The following SRSF4 variants were observed in gnomAD, a reference collection of about 807,000 sequenced individuals.
The protein encoded by SRSF4 is serine and arginine rich splicing factor 4.
Under a neutral mutation model 48.8 loss-of-function variants are expected in SRSF4, and 12 were observed. The observed-to-expected ratio is 0.25, with a 90% CI of 0.16 to 0.40. The LOEUF (loss-of-function observed/expected upper bound fraction) is 0.40, where lower values mean the gene tolerates loss of function less well. Among genes scored for constraint, SRSF4 ranks in the 10% least tolerant of loss-of-function variants. The pLI, the probability that SRSF4 is intolerant of heterozygous loss-of-function variation, is 1.00. For synonymous variants in SRSF4, 248 were observed against 232.5 expected, an observed-to-expected ratio of 1.07 and a Z score of -0.61; for missense variants, 466 against 667.1, an observed-to-expected ratio of 0.70 and a Z score of 3.32.
intron 4 of SRSF4, among the ~76,000 whole-genome samples, chr1:29,152,695 G>C (rs1044903575): frequency 6.6e-6 from 1 of 152,052 alleles, no homozygotes; most frequent in Non-Finnish European, 1.5e-5. Context: ...GAGGTGGGTG[G>C]GTCACCTGAG....
intron 1 of SRSF4, among the ~76,000 whole-genome samples, chr1:29,162,977 C>T (rs1009905998): frequency 3.9e-5 from 6 of 152,146 alleles, no homozygotes; most frequent in Non-Finnish European, 8.8e-5. Flanking sequence ...TCACCCTGTT[C>T]CAAGGCTCAT....
chr1:29,160,307 A>T, intron 2 of SRSF4, 68 bp downstream of exon 2: 1 of 1,493,034 alleles, frequency 6.7e-7, no homozygotes, highest in Non-Finnish European at 8.9e-7. Flanking sequence ...ATATCAATTA[A>T]TTACTTTAAA....
intron 1 of SRSF4, among the ~76,000 whole-genome samples, chr1:29,161,000 C>T (rs1007021010): frequency 1.2e-4 from 19 of 152,202 alleles, no homozygotes; most frequent in South Asian, 2.1e-4. Context: ...GTTCCTGTTC[C>T]TCTACGTAAA....
intron 1 of SRSF4, among the ~76,000 whole-genome samples, chr1:29,177,442 C>T (rs1335835665): frequency 2.6e-5 from 4 of 152,040 alleles, no homozygotes; most frequent in East Asian, 1.9e-4. Flanking sequence ...CCACGACGCC[C>T]GGCTAACTTT....
At position 29,154,770 on chromosome 1, in the gene SRSF4, T is replaced by C. The variant is rs759133828; in HGVS notation, c.504A>G (p.Arg168=). Residue 168 remains arginine (R), a synonymous_variant, in exon 4 of 6, where the codon AGA becomes AGG. Transcript: ENST00000373795. ...GCTTGTCTTCAACTAATCTGATTTT[T>C]CTCCCATTGACTTCAGTTCCATCCA... ...EKLDGTEVNG[R]KIRLVEDKPG... The C allele has an allele frequency of 1.5e-5, 24 of 1,614,206 alleles. 1 individual carries two copies. The South Asian group carries it at 2.2e-4, about 15-fold the overall frequency.
At chr1:29,153,304 AT>A (rs796737603) in intron 4 of SRSF4, among the ~76,000 whole-genome samples, 2 of 150,662 alleles carry the variant, frequency 1.3e-5, no homozygotes, top group East Asian at 2.0e-4. Context: ...TGCCTGGCTA[AT>A]TTTTTTTTAC....
intron 1 of SRSF4, chr1:29,169,129 G>A (rs975482572): frequency 6.6e-6 from 1 of 152,166 alleles, no homozygotes; most frequent in Non-Finnish European, 1.5e-5. Context: ...ATTATGCTAA[G>A]TGCTTTACAC....
intron 3 of SRSF4, among the ~76,000 whole-genome samples, chr1:29,157,970 C>T (rs995892949): frequency 8.6e-5 from 13 of 152,042 alleles, no homozygotes; most frequent in Admixed American, 6.6e-4. Flanking sequence ...AGGAGGAGCT[C>T]GAGACCAGCC....
intron 1 of SRSF4, among the ~76,000 whole-genome samples, chr1:29,180,217 G>C (rs1672933904): frequency 6.6e-6 from 1 of 152,098 alleles, no homozygotes; most frequent in Admixed American, 6.6e-5. Flanking sequence ...GTCCACAAAA[G>C]TTAGTTATGC....
At chr1:29,175,113 C>G (rs886776981) in intron 1 of SRSF4, among the ~76,000 whole-genome samples, 1 of 151,876 alleles carries the variant, frequency 6.6e-6, no homozygotes, top group Non-Finnish European at 1.5e-5. Flanking sequence ...TTATTTTGGT[C>G]CTTCTCCATA....
chr1:29,165,101 A>G (rs1672652282), intron 1 of SRSF4, among the ~76,000 whole-genome samples: 1 of 152,170 alleles, frequency 6.6e-6, no homozygotes, highest in Non-Finnish European at 1.5e-5. Flanking sequence ...CTTTACCAAA[A>G]CTATTTTCCT....
chr1:29,155,296 G>A (rs1672483353), intron 3 of SRSF4, among the ~76,000 whole-genome samples: 1 of 152,118 alleles, frequency 6.6e-6, no homozygotes, highest in African/African-American at 2.4e-5. Context: ...CAGGTGTAGT[G>A]GCACACGCCT....
chr1:29,154,158 C>T (rs1672462724), intron 4 of SRSF4, among the ~76,000 whole-genome samples: 1 of 152,116 alleles, frequency 6.6e-6, no homozygotes, highest in Admixed American at 6.5e-5. Flanking sequence ...TGGGTTCAAG[C>T]AATTTTCAAG....
At chr1:29,152,205 G>C (rs1672421185) in intron 4 of SRSF4, among the ~76,000 whole-genome samples, 1 of 152,154 alleles carries the variant, frequency 6.6e-6, no homozygotes, top group Non-Finnish European at 1.5e-5. Flanking sequence ...TGTTATCATG[G>C]TTTCTTTTAA....
chr1:29,176,880 GT>G (rs1672865217), intron 1 of SRSF4, among the ~76,000 whole-genome samples: 1 of 152,200 alleles, frequency 6.6e-6, no homozygotes. Context: ...AGGTTCTGAA[GT>G]TTAAATCCAA....
intron 1 of SRSF4, among the ~76,000 whole-genome samples, chr1:29,165,367 T>C (rs977160291): frequency 9.8e-5 from 15 of 152,326 alleles, no homozygotes; most frequent in East Asian, 3.9e-4. Flanking sequence ...TCTGAAAAGG[T>C]AGAACTGGAA....
intron 1 of SRSF4, among the ~76,000 whole-genome samples, chr1:29,178,781 A>G (rs1053629642): frequency 2.6e-5 from 4 of 152,084 alleles, no homozygotes; most frequent in African/African-American, 4.8e-5. Flanking sequence ...TTTTGTACTC[A>G]CTCCTTCCTT....
At chr1:29,168,351 A>C (rs1026822312) in intron 1 of SRSF4, among the ~76,000 whole-genome samples, 2 of 152,180 alleles carry the variant, frequency 1.3e-5, no homozygotes, top group Non-Finnish European at 2.9e-5. Context: ...TTTTAAAGGC[A>C]GATGCTTCTC....
At chr1:29,178,614 C>T (rs1672907725) in intron 1 of SRSF4, among the ~76,000 whole-genome samples, 1 of 152,106 alleles carries the variant, frequency 6.6e-6, no homozygotes, top group South Asian at 2.1e-4. Flanking sequence ...CCTCGGCCTC[C>T]CAAAGTGCTG....
Sources: allele counts gnomAD v4.1 joint callset (sites outside exome capture counted in the v4.1 genomes callset), GRCh38; gene constraint gnomAD v4.1.1; transcripts MANE v1.5; gene names NCBI Gene and HGNC (gene_info 2026-07-23, HGNC 2026-07-21).